ESRRG: variants seen among roughly 807,000 people sequenced by gnomAD.
ESRRG encodes estrogen related receptor gamma, also known as estrogen-related receptor gamma.
A neutral mutation model predicts 44.0 loss-of-function variants in ESRRG; 13 were observed. The ratio of observed to expected loss-of-function variants is 0.30; its 90% CI spans 0.19 to 0.47. The LOEUF is 0.47. Among genes scored for constraint, ESRRG ranks in the 20% least tolerant of loss-of-function variants. The pLI is 1.00. For synonymous variants in ESRRG, 215 were observed against 214.6 expected, an observed-to-expected ratio of 1.00 and a Z score of -0.02; for missense variants, 395 against 580.6, an observed-to-expected ratio of 0.68 and a Z score of 3.29.
intron 3 of ESRRG, among the ~76,000 whole-genome samples, chr1:216,599,192 T>A (rs1036147455): frequency 6.6e-6 from 1 of 152,114 alleles, no homozygotes; most frequent in Non-Finnish European, 1.5e-5. Flanking sequence ...AACCCACAAT[T>A]AAAGATCTTG....
intron 1 of ESRRG, among the ~76,000 whole-genome samples, chr1:216,983,476 C>T (rs1355371025): frequency 1.3e-5 from 2 of 152,056 alleles, no homozygotes; most frequent in African/African-American, 4.8e-5. Context: ...AAGCGATCCT[C>T]CCATCTTGGC....
chr1:217,028,116 C>A (rs549756216), intron 1 of ESRRG, among the ~76,000 whole-genome samples: 4 of 152,162 alleles, frequency 2.6e-5, no homozygotes, highest in Non-Finnish European at 5.9e-5. Context: ...CACGCCCCCA[C>A]CCCATCACCT....
At chr1:216,841,908 A>G (rs944811619) in intron 2 of ESRRG, among the ~76,000 whole-genome samples, 1 of 152,176 alleles carries the variant, frequency 6.6e-6, no homozygotes, top group African/African-American at 2.4e-5. Flanking sequence ...TACAAAAAAA[A>G]AGAGGGACAT....
intron 3 of ESRRG, among the ~76,000 whole-genome samples, chr1:216,628,727 A>T (rs1380019105): frequency 6.6e-6 from 1 of 152,086 alleles, no homozygotes; most frequent in Non-Finnish European, 1.5e-5. Flanking sequence ...TAAAACATAA[A>T]TCTAATATGA....
intron 2 of ESRRG, chr1:216,805,489 C>T (rs1393320042): frequency 6.6e-6 from 1 of 152,168 alleles, no homozygotes; most frequent in African/African-American, 2.4e-5. Context: ...TACCATGAAC[C>T]TATGTGAGCA....
intron 2 of ESRRG, among the ~76,000 whole-genome samples, chr1:216,778,206 G>A (rs1056489688): frequency 6.6e-6 from 1 of 152,032 alleles, no homozygotes; most frequent in African/African-American, 2.4e-5. Context: ...GGGGAGGGAA[G>A]TAGAAAACGG....
intron 2 of ESRRG, among the ~76,000 whole-genome samples, chr1:216,734,951 C>T (rs2089598094): frequency 1.4e-5 from 2 of 143,456 alleles, no homozygotes; most frequent in South Asian, 2.2e-4. Flanking sequence ...CTCTGTTGCC[C>T]AGGCTGGAGT....
At chr1:216,649,273 A>G (rs4846617) in intron 3 of ESRRG, among the ~76,000 whole-genome samples, 27,055 of 152,074 alleles carry the variant, frequency 0.18, 2,934 homozygotes, top group East Asian at 0.43. Context: ...ATATTCAGCA[A>G]AAGGATTACA....
intron 2 of ESRRG, among the ~76,000 whole-genome samples, chr1:216,829,165 C>T (rs984146366): frequency 1.2e-4 from 19 of 152,084 alleles, no homozygotes; most frequent in Admixed American, 2.6e-4. Flanking sequence ...TTTTGCTAAC[C>T]TGTGAAGTTT....
intron 2 of ESRRG, among the ~76,000 whole-genome samples, chr1:216,659,362 A>C (rs550499042): frequency 6.6e-6 from 1 of 152,340 alleles, no homozygotes; most frequent in African/African-American, 2.4e-5. Context: ...TTGAGAAGGA[A>C]AGGAAGATAG....
At chr1:216,889,493 C>A (rs1396143208) in intron 2 of ESRRG, among the ~76,000 whole-genome samples, 1 of 152,058 alleles carries the variant, frequency 6.6e-6, no homozygotes, top group Non-Finnish European at 1.5e-5. Flanking sequence ...AGCAAAAATC[C>A]CCCCAGTGAA....
At chr1:216,855,231 G>GCTTGAACAA (rs1244861264) in intron 2 of ESRRG, 1 of 152,134 alleles carries the variant, frequency 6.6e-6, no homozygotes, top group African/African-American at 2.4e-5. Context: ...GCAAAAGTTG[G>GCTTGAACAA]CTTGAACAAT....
intron 1 of ESRRG, among the ~76,000 whole-genome samples, chr1:216,697,213 G>A (rs1439838721): frequency 2.6e-5 from 4 of 152,072 alleles, no homozygotes; most frequent in Admixed American, 6.5e-5. Flanking sequence ...TGATCCACCC[G>A]CCTTGGCCTC....
intron 2 of ESRRG, among the ~76,000 whole-genome samples, chr1:216,792,993 A>G (rs2094367145): frequency 6.6e-6 from 1 of 152,172 alleles, no homozygotes; most frequent in Non-Finnish European, 1.5e-5. Flanking sequence ...AGAATCATGC[A>G]ATACAGTTAG....
rs561560816 is a variant in ESRRG, at chr1:216,737,020, C to G, written c.-13-59529G>C. Reference sequence around the variant, plus strand: ...ACGTTTTTTAAACTTCATGTTTCAACACATTGAGTCTTAAAAATCAAATCC... The same window carrying G: ...ACGTTTTTTAAACTTCATGTTTCAAGACATTGAGTCTTAAAAATCAAATCC... On this transcript the variant is annotated intron_variant, in intron 2 of 7. Transcript: ENST00000359162. 8.5e-5 allele frequency among the ~76,000 whole-genome samples: 13 copies of G among 152,276 alleles called. 1 individual carries two copies. The East Asian group carries it at 1.9e-3, about 23-fold the overall frequency.
chr1:216,878,077 G>C (rs990067537), intron 2 of ESRRG, among the ~76,000 whole-genome samples: 2 of 152,174 alleles, frequency 1.3e-5, no homozygotes, highest in African/African-American at 4.8e-5. Context: ...CCTATGTGAG[G>C]AGTCTCAAAT....
chr1:216,917,681 C>T (rs962096708), intron 2 of ESRRG, among the ~76,000 whole-genome samples: 1 of 152,154 alleles, frequency 6.6e-6, no homozygotes. Flanking sequence ...AGAAGTCACC[C>T]CAGTACCTAG....
upstream of ESRRG, among the ~76,000 whole-genome samples, chr1:217,092,836 C>T (rs2092368825): frequency 6.6e-6 from 1 of 152,184 alleles, no homozygotes; most frequent in Admixed American, 6.5e-5. Context: ...TAGAATGCCA[C>T]TTTTCAATTT....
rs1055285796 is a variant in ESRRG, at chr1:217,067,348, A to G, written c.-106+22159T>C. Among the ~76,000 whole-genome samples, 6 of 152,364 alleles carry G rather than the reference A, an allele frequency of 3.9e-5. No individual in the cohort carries two copies. In the East Asian group the frequency reaches 9.6e-4, roughly 24 times the overall value. On this transcript the variant is annotated intron_variant, in intron 1 of 7. Transcript: ENST00000359162. ...GGAAATACAGAGTCAACTCGAATGT[A>G]CAAACAACACTAAGGTAAACCAAAG...
Sources: allele counts gnomAD v4.1 joint callset (sites outside exome capture counted in the v4.1 genomes callset), GRCh38; gene constraint gnomAD v4.1.1; transcripts MANE v1.5; gene names NCBI Gene and HGNC (gene_info 2026-07-23, HGNC 2026-07-21).